GLUD1: variants seen among roughly 807,000 people sequenced by gnomAD.
GLUD1 encodes the protein glutamate dehydrogenase 1.
Under a neutral mutation model 56.0 loss-of-function variants are expected in GLUD1, and 22 were observed. The ratio of observed to expected loss-of-function variants is 0.39; its 90% CI spans 0.28 to 0.56. GLUD1 has a LOEUF of 0.56. Among genes scored for constraint, GLUD1 ranks in the 20% least tolerant of loss-of-function variants. The pLI is 0.58. For missense variants in GLUD1, 451 were observed against 732.0 expected, an observed-to-expected ratio of 0.62 and a Z score of 4.43; for synonymous variants, 223 against 269.9, an observed-to-expected ratio of 0.83 and a Z score of 1.70.
At chr10:87,073,752 G>T (rs191929523) in intron 4 of GLUD1, among the ~76,000 whole-genome samples, 1 of 151,078 alleles carries the variant, frequency 6.6e-6, no homozygotes, top group East Asian at 2.0e-4. Flanking sequence ...CTGAGTAGCT[G>T]GGACTACAGG....
intron 1 of GLUD1, among the ~76,000 whole-genome samples, chr10:87,076,924 C>A (rs2077110961): frequency 2.0e-5 from 3 of 152,090 alleles, no homozygotes; most frequent in Admixed American, 6.5e-5. Context: ...AATTTCTGTA[C>A]ACTTTCCAGA....
intron 4 of GLUD1, 40 bp from the exon 5 acceptor site, chr10:87,068,197 A>C: frequency 8.0e-7 from 1 of 1,255,824 alleles, no homozygotes; most frequent in Non-Finnish European, 1.2e-6. Flanking sequence ...CCAGTTTTTA[A>C]GAAAAATTCT....
At chr10:87,088,904 A>C (rs1289676404) in intron 1 of GLUD1, among the ~76,000 whole-genome samples, 6 of 152,260 alleles carry the variant, frequency 3.9e-5, no homozygotes, top group Non-Finnish European at 8.8e-5. Flanking sequence ...GTTCTGGCTA[A>C]CACATTAATC....
intron 11 of GLUD1, among the ~76,000 whole-genome samples, chr10:87,055,985 G>A (rs112186494): frequency 0.11 from 17,169 of 151,076 alleles, 1,033 homozygotes; most frequent in Admixed American, 0.15. Context: ...GTGTGGTGGC[G>A]GGCGCCTGTA....
intron 4 of GLUD1, among the ~76,000 whole-genome samples, chr10:87,070,466 G>A (rs1186812863): frequency 6.6e-6 from 1 of 152,140 alleles, no homozygotes; most frequent in Non-Finnish European, 1.5e-5. Flanking sequence ...GGGGGTGGAG[G>A]CACATGCCCA....
At chr10:87,080,706 C>T (rs1471227564) in intron 1 of GLUD1, among the ~76,000 whole-genome samples, 2 of 151,480 alleles carry the variant, frequency 1.3e-5, no homozygotes, top group South Asian at 2.1e-4. Flanking sequence ...GCCCGGCAAC[C>T]GCCCCGTCTG....
intron 1 of GLUD1, chr10:87,089,862 T>C (rs907721195): frequency 3.9e-6 from 1 of 258,826 alleles, no homozygotes; most frequent in African/African-American, 2.3e-5. Flanking sequence ...TTAAGACTGT[T>C]CATGGTTATA....
rs1337419357 is a variant in GLUD1 at position 87,080,846 on chromosome 10, T to TG, written c.446-4191dup. Reference sequence around the variant, plus strand: ...GCAGCCGACCTGTCCGGGAGGGAGGTGGGGGGGTCAGCCCCCCGCCCGGCC... The same window carrying TG: ...GCAGCCGACCTGTCCGGGAGGGAGGTGGGGGGGGTCAGCCCCCCGCCCGGCC... On this transcript the variant is annotated intron_variant, in intron 1 of 12. Coordinates refer to ENST00000277865, the MANE Select transcript of GLUD1 (RefSeq NM_005271.5). Among the ~76,000 whole-genome samples the TG allele has an allele frequency of 1.4e-3, 183 of 134,364 alleles. 2 individuals carry two copies. Among genetic ancestry groups the TG allele is most frequent in the African/African-American group, 4.7e-3 (164 of 34,620 alleles). The allele number at this position is 134,364 out of a possible 152,430, so 88.1% of individuals were successfully genotyped here. A position where few individuals can be genotyped will look rare whatever the true frequency, so the allele number is the denominator to read the frequency against.
intron 5 of GLUD1, 45 bp downstream of exon 5, chr10:87,068,018 T>C: frequency 2.7e-6 from 3 of 1,105,218 alleles, no homozygotes; most frequent in South Asian, 2.5e-5. Context: ...TTAATTCTTG[T>C]AGACAGCAAA....
In GLUD1 at chr10:87,051,885, A is replaced by C. The variant is rs1206405196; in HGVS notation, c.1558-15T>G. ...CGCATAATTTGCTGAAATGAAAGAG[A>C]AAATGCAGTGAAGATGATCCTGACT... On this transcript the variant is annotated splice_polypyrimidine_tract_variant and intron_variant, in intron 12 of 12. Transcript: ENST00000277865. The C allele has an allele frequency of 1.9e-6, 3 of 1,614,128 alleles. No homozygotes were observed. In the Admixed American group the frequency reaches 5.0e-5, roughly 27 times the overall value.
chr10:87,055,042 C>T (rs1163558862), intron 11 of GLUD1, among the ~76,000 whole-genome samples: 2 of 152,188 alleles, frequency 1.3e-5, no homozygotes, highest in East Asian at 3.9e-4. Context: ...GTGATGTAAT[C>T]ACTCAGGAGA....
chr10:87,080,551 G>A (rs1383690190), intron 1 of GLUD1, among the ~76,000 whole-genome samples: 1 of 151,744 alleles, frequency 6.6e-6, no homozygotes, highest in African/African-American at 2.4e-5. Context: ...CTGCCCGGCC[G>A]CCCATCGTCT....
At chr10:87,088,178 T>G (rs1194455817) in intron 1 of GLUD1, among the ~76,000 whole-genome samples, 1 of 150,082 alleles carries the variant, frequency 6.7e-6, no homozygotes, top group Admixed American at 6.6e-5. Context: ...TTTGTTTTGT[T>G]TTTTTTTTTG....
At chr10:87,082,166 G>T (rs1159399831) in intron 1 of GLUD1, among the ~76,000 whole-genome samples, 1 of 152,094 alleles carries the variant, frequency 6.6e-6, no homozygotes, top group Non-Finnish European at 1.5e-5. Context: ...TGGAACCAAT[G>T]ATATTCATAA....
intron 4 of GLUD1, among the ~76,000 whole-genome samples, chr10:87,072,990 G>A (rs1846280008): frequency 6.6e-6 from 1 of 152,214 alleles, no homozygotes; most frequent in South Asian, 2.1e-4. Context: ...CTGGGTATGC[G>A]GCACATCAAA....
chr10:87,065,461 C>T (rs1038275832), intron 5 of GLUD1, among the ~76,000 whole-genome samples: 1 of 152,040 alleles, frequency 6.6e-6, no homozygotes, highest in African/African-American at 2.4e-5. Flanking sequence ...AACCAATGGG[C>T]AGTATGTTAT....
rs373219196 is a variant in GLUD1, at chr10:87,094,554, G to A, written c.216C>T (p.Gly72=). 6.8e-6 allele frequency: 11 copies of A among 1,612,258 alleles called. No homozygotes were observed. The highest frequency in any genetic ancestry group is 7.6e-6 in the Non-Finnish European group (9 of 1,179,930). The change falls in exon 1 of 13, where the codon GGC becomes GGT. Residue 72 remains glycine (G), a synonymous_variant. Coordinates refer to ENST00000277865, the MANE Select transcript of GLUD1 (RefSeq NM_005271.5). This position sits in a 1 kb window ranked among gnomAD's most constrained non-coding sequence, Gnocchi z 6.6. ...DDPNFFKMVE[G]FFDRGASIVE... ...CGATGCTGGCGCCGCGATCGAAGAA[G>A]CCCTCCACCATCTTGAAGAAGTTGG...
At chr10:87,083,178 A>T (rs899574614) in intron 1 of GLUD1, among the ~76,000 whole-genome samples, 3 of 151,612 alleles carry the variant, frequency 2.0e-5, no homozygotes, top group African/African-American at 7.3e-5. Context: ...GTACCACTGC[A>T]TTCCAGCCTG....
At chr10:87,074,710 CAT>C (rs1589371763) in intron 3 of GLUD1, 96 bp from the exon 4 acceptor site, 2 of 769,168 alleles carry the variant, frequency 2.6e-6, no homozygotes, top group African/African-American at 3.5e-5. Context: ...AGTACATTTT[CAT>C]ATGTCTTCTC....
Sources: allele counts gnomAD v4.1 joint callset (sites outside exome capture counted in the v4.1 genomes callset), GRCh38; gene constraint gnomAD v4.1.1; non-coding constraint Gnocchi (gnomAD v3.1); transcripts MANE v1.5; gene names NCBI Gene and HGNC (gene_info 2026-07-23, HGNC 2026-07-21).